Variants in PIK3C2B observed in about 807,000 individuals in gnomAD.
PIK3C2B encodes the protein phosphatidylinositol 4-phosphate 3-kinase C2 domain-containing subunit beta.
A neutral mutation model predicts 184.3 loss-of-function variants in PIK3C2B; 83 were observed. The ratio of observed to expected loss-of-function variants is 0.45; its 90% CI spans 0.38 to 0.54. The LOEUF (loss-of-function observed/expected upper bound fraction) is 0.54. Among genes scored for constraint, PIK3C2B ranks in the 20% least tolerant of loss-of-function variants. PIK3C2B has a pLI of 0.00. For synonymous variants in PIK3C2B, 779 were observed against 837.6 expected (o/e 0.93, Z 1.21); for missense variants, 1,736 against 2,113.5 (o/e 0.82, Z 3.50).
intron 11 of PIK3C2B, 136 bp downstream of exon 11, chr1:204,455,720 C>T (rs1457501236): frequency 1.4e-6 from 1 of 709,152 alleles, no homozygotes; most frequent in African/African-American, 1.8e-5. Context: ...ACCCCCGCAG[C>T]CCCATTGCAC....
In PIK3C2B at chr1:204,494,512, G is replaced by C. The variant is rs1046757098; in HGVS notation, c.-241C>G. On this transcript the variant is annotated 5_prime_UTR_variant, in exon 1 of 33. Coordinates refer to ENST00000684373, the MANE Select transcript of PIK3C2B (RefSeq NM_001377334.1). Reference sequence around the variant, plus strand: ...CCGGCCGCACGCCGCCTGCTCCCGGGCCGCTCCCCTCTCCAGGCTCCGCAC... The same window carrying C: ...CCGGCCGCACGCCGCCTGCTCCCGGCCCGCTCCCCTCTCCAGGCTCCGCAC... 3.3e-5 allele frequency: 5 copies of C among 152,344 alleles called. No individual in the cohort carries two copies. Among genetic ancestry groups the C allele is most frequent in the African/African-American group, 4.8e-5 (2 of 41,426 alleles). The allele number at this position is 152,344 out of a possible 1,614,324, so 9.4% of individuals were successfully genotyped here.
intron 26 of PIK3C2B, 32 bp from the exon 27 acceptor site, chr1:204,432,433 C>T (rs777738883): frequency 2.6e-5 from 42 of 1,588,878 alleles, no homozygotes; most frequent in Non-Finnish European, 3.4e-5. Flanking sequence ...AGGATATAAC[C>T]ATGAACCCAA....
intron 2 of PIK3C2B, 30 bp downstream of exon 2, chr1:204,468,840 A>C: frequency 6.5e-7 from 1 of 1,527,064 alleles, no homozygotes; most frequent in Non-Finnish European, 8.9e-7. Flanking sequence ...TGGAGAAAGG[A>C]AGGCAGAAGA....
intron 1 of PIK3C2B, among the ~76,000 whole-genome samples, chr1:204,492,150 A>G (rs905748063): frequency 3.9e-5 from 6 of 152,180 alleles, no homozygotes; most frequent in African/African-American, 9.7e-5. Flanking sequence ...TAAACCCAGT[A>G]AGAATAATCA....
At chr1:204,428,550 G>C (rs1674872318) in intron 29 of PIK3C2B, among the ~76,000 whole-genome samples, 1 of 152,174 alleles carries the variant, frequency 6.6e-6, no homozygotes, top group Non-Finnish European at 1.5e-5. Flanking sequence ...GTTTGAGATG[G>C]AGTCTCGCTC....
chr1:204,426,581 C>T (rs540829260), intron 31 of PIK3C2B, among the ~76,000 whole-genome samples: 4 of 152,324 alleles, frequency 2.6e-5, no homozygotes, highest in African/African-American at 2.4e-5. Flanking sequence ...CTTGCCATAG[C>T]TCTTACTACC....
chr1:204,478,649 C>T (rs1235346693), intron 1 of PIK3C2B, among the ~76,000 whole-genome samples: 2 of 152,210 alleles, frequency 1.3e-5, no homozygotes, highest in Non-Finnish European at 2.9e-5. Context: ...TTTCTTCCCA[C>T]TTATACATCC....
rs748055130 is a variant in PIK3C2B at position 204,432,321 on chromosome 1, C to T, written c.4034G>A (p.Gly1345Asp). The T allele has an allele frequency of 1.2e-6, 2 of 1,614,096 alleles. No homozygotes were observed. Among genetic ancestry groups the T allele is most frequent in the Admixed American group, 3.3e-5 (2 of 60,006 alleles). Reference sequence around the variant, plus strand: ...GGAGAGGGTCAGCCGGTCATCTGAGCCCGTGAACTTCATCTGAGCCAGATT... The same window carrying T: ...GGAGAGGGTCAGCCGGTCATCTGAGTCCGTGAACTTCATCTGAGCCAGATT... Reference protein sequence around the residue: ...IHNLAQMKFTGSDDRLTLSFA... With the variant: ...IHNLAQMKFTDSDDRLTLSFA... Residue 1345 changes from glycine (G) to aspartate (D), a missense_variant, in exon 27 of 33, where the codon GGC becomes GAC. This residue lies in a region of PIK3C2B where 119 missense variants were observed against 179.3 expected (regional missense o/e 0.66). Transcript: ENST00000684373.
chr1:204,486,258 G>A (rs1657576288), intron 1 of PIK3C2B, among the ~76,000 whole-genome samples: 1 of 152,038 alleles, frequency 6.6e-6, no homozygotes, highest in African/African-American at 2.4e-5. Flanking sequence ...AGCTGGGCAT[G>A]GTGATGCGCG....
intron 28 of PIK3C2B, 53 bp downstream of exon 28, chr1:204,431,616 T>G (rs1168984161): frequency 1.2e-6 from 2 of 1,609,426 alleles, no homozygotes; most frequent in Non-Finnish European, 1.7e-6. Context: ...CCATCCCGTA[T>G]CCTTTCCCCC....
intron 1 of PIK3C2B, among the ~76,000 whole-genome samples, chr1:204,488,019 CATTA>C (rs1284734746): frequency 6.6e-6 from 1 of 152,200 alleles, no homozygotes; most frequent in Non-Finnish European, 1.5e-5. Context: ...CTAAGTAGTT[CATTA>C]ATTAACTCAT....
intron 12 of PIK3C2B, 189 bp from the exon 13 acceptor site, chr1:204,450,206 G>A: frequency 1.8e-6 from 1 of 552,400 alleles, no homozygotes; most frequent in Non-Finnish European, 3.2e-6. Flanking sequence ...ACCCCCACTG[G>A]ATGTTCCCAG....
In PIK3C2B at chr1:204,469,102, G is replaced by T; in HGVS notation, c.701C>A (p.Ala234Glu). Residue 234 changes from alanine to glutamate, a missense_variant, in exon 2 of 33, where the codon GCA becomes GAA. Physicochemically the swap from Ala to Glu is moderately radical, Grantham distance 107. Coordinates refer to ENST00000684373, the MANE Select transcript of PIK3C2B (RefSeq NM_001377334.1). ...CGATTTCAAGTTGAGCCTAGTAATTGCATCATTGATACCATCATAGTCCAC... is the reference window on the plus strand; with the variant it reads ...CGATTTCAAGTTGAGCCTAGTAATTTCATCATTGATACCATCATAGTCCAC... ...GSVDYDGIND[A>E]ITRLNLKSTY... is the part of the protein sequence containing the mutation. 1 of 1,614,142 alleles carries T rather than the reference G, an allele frequency of 6.2e-7. No homozygotes were observed. Among genetic ancestry groups the T allele is most frequent in the Non-Finnish European group, 8.5e-7 (1 of 1,180,002 alleles).
At chr1:204,429,624 A>AC (rs1490209328) in intron 29 of PIK3C2B, among the ~76,000 whole-genome samples, 9 of 152,172 alleles carry the variant, frequency 5.9e-5, no homozygotes, top group South Asian at 2.1e-4. Flanking sequence ...TGCTCAAAAA[A>AC]CTTTTTCCTC....
At chr1:204,482,883 T>C (rs926074983) in intron 1 of PIK3C2B, among the ~76,000 whole-genome samples, 2 of 152,136 alleles carry the variant, frequency 1.3e-5, no homozygotes, top group Non-Finnish European at 2.9e-5. Context: ...GTGGTCCTGA[T>C]GGTGCCAGAC....
intron 1 of PIK3C2B, among the ~76,000 whole-genome samples, chr1:204,484,040 G>C (rs1657396292): frequency 6.6e-6 from 1 of 152,224 alleles, no homozygotes; most frequent in African/African-American, 2.4e-5. Flanking sequence ...TGTGAAACTA[G>C]TACAGCCCAC....
At chr1:204,485,615 C>T (rs1344623701) in intron 1 of PIK3C2B, among the ~76,000 whole-genome samples, 1 of 151,244 alleles carries the variant, frequency 6.6e-6, no homozygotes, top group Admixed American at 6.6e-5. Context: ...GCTCTGTCGC[C>T]CAGACTGCAG....
At chr1:204,485,391 A>G (rs1371495664) in intron 1 of PIK3C2B, among the ~76,000 whole-genome samples, 2 of 151,314 alleles carry the variant, frequency 1.3e-5, no homozygotes, top group Non-Finnish European at 2.9e-5. Context: ...CTGAATGATT[A>G]TTCTTTTACC....
At chr1:204,457,212 G>A in intron 9 of PIK3C2B, 142 bp from the exon 10 acceptor site, 1 of 687,688 alleles carries the variant, frequency 1.5e-6, no homozygotes, top group Non-Finnish European at 2.5e-6. Context: ...AGAGAGGAGA[G>A]AGTAATGGTT....
Sources: allele counts gnomAD v4.1 joint callset (sites outside exome capture counted in the v4.1 genomes callset), GRCh38; gene constraint gnomAD v4.1.1; regional missense constraint gnomAD v4.1.1; transcripts MANE v1.5; gene names NCBI Gene and HGNC (gene_info 2026-07-23, HGNC 2026-07-21).